PPP3CB: variants seen among roughly 807,000 people sequenced by gnomAD.
PPP3CB encodes the protein protein phosphatase 3 catalytic subunit beta.
A neutral mutation model predicts 66.4 loss-of-function variants in PPP3CB; 8 were observed. That is an observed-to-expected ratio of 0.12 (90% CI 0.07 to 0.22). The LOEUF (loss-of-function observed/expected upper bound fraction) is 0.22. PPP3CB is among the 10% of genes least tolerant of loss of function. The pLI is 1.00. For synonymous variants in PPP3CB, 208 were observed against 221.2 expected, an observed-to-expected ratio of 0.94 and a Z score of 0.53; for missense variants, 319 against 642.5, an observed-to-expected ratio of 0.50 and a Z score of 5.44.
intron 3 of PPP3CB, among the ~76,000 whole-genome samples, chr10:73,476,278 T>G (rs564127013): frequency 6.6e-6 from 1 of 152,234 alleles, no homozygotes; most frequent in Non-Finnish European, 1.5e-5. Context: ...GATGCTTATT[T>G]TGATTCTTTG....
At position 73,437,137 on chromosome 10, in the gene PPP3CB, C is replaced by A. The variant is rs1564544319; in HGVS notation, c.*1105G>T. The A allele has an allele frequency of 6.5e-6, 1 of 152,674 alleles. No individual in the cohort carries two copies. Among genetic ancestry groups the A allele is most frequent in the Non-Finnish European group, 1.5e-5 (1 of 68,054 alleles). 9.5% of individuals were successfully genotyped at this position (152,674 alleles called of 1,614,324 possible). On this transcript the variant is annotated 3_prime_UTR_variant, in exon 14 of 14. Coordinates refer to ENST00000360663, the MANE Select transcript of PPP3CB (RefSeq NM_021132.4). Reference sequence around the variant, plus strand: ...GAAAGGTTTCAACATGCAGTCTTGACTTTTATGCTTCCACTAACATCTGAA... The same window carrying A: ...GAAAGGTTTCAACATGCAGTCTTGAATTTTATGCTTCCACTAACATCTGAA...
intron 1 of PPP3CB, among the ~76,000 whole-genome samples, chr10:73,492,196 T>C (rs76653502): frequency 0.047 from 7,089 of 152,252 alleles, 508 homozygotes; most frequent in African/African-American, 0.15. Context: ...AATTTGAGGT[T>C]ACTATAACCC....
At chr10:73,457,921 A>G (rs557029776) in intron 9 of PPP3CB, among the ~76,000 whole-genome samples, 5 of 152,294 alleles carry the variant, frequency 3.3e-5, no homozygotes, top group South Asian at 4.1e-4. Context: ...GCTAAATAAT[A>G]TATGTACATG....
chr10:73,477,056 T>C (rs1483621691), intron 3 of PPP3CB: 2 of 449,394 alleles, frequency 4.5e-6, no homozygotes, highest in Non-Finnish European at 8.7e-6. Context: ...GGAGTCACAT[T>C]GCCTGGCTAT....
At chr10:73,480,438 T>A (rs898344925) in intron 1 of PPP3CB, among the ~76,000 whole-genome samples, 2 of 148,638 alleles carry the variant, frequency 1.3e-5, no homozygotes, top group Non-Finnish European at 3.0e-5. Context: ...TTTATCCCTG[T>A]AATTTTTTTT....
intron 8 of PPP3CB, among the ~76,000 whole-genome samples, chr10:73,469,923 A>C (rs773505430): frequency 2.6e-5 from 4 of 152,230 alleles, no homozygotes; most frequent in Non-Finnish European, 5.9e-5. Flanking sequence ...CTGGCCTCTT[A>C]ATATCATCTT....
At chr10:73,462,140 CTTTTTTTTTTTTT>C (rs1019088638) in intron 9 of PPP3CB, among the ~76,000 whole-genome samples, 20 of 94,220 alleles carry the variant, frequency 2.1e-4, no homozygotes, top group African/African-American at 5.1e-4. Context: ...TAAACTCCTT[CTTTTTTTTTTTTT>C]TTTTTTTTTT....
intron 1 of PPP3CB, among the ~76,000 whole-genome samples, chr10:73,482,559 A>AC (rs922017536): frequency 2.7e-5 from 4 of 150,320 alleles, no homozygotes; most frequent in Non-Finnish European, 5.9e-5. Context: ...AAAAAAAAAA[A>AC]AAAAAAAGAG....
intron 1 of PPP3CB, 168 bp downstream of exon 1, chr10:73,495,637 C>T (rs560289241): frequency 9.8e-7 from 1 of 1,025,622 alleles, no homozygotes; most frequent in Non-Finnish European, 1.3e-6. Context: ...CCACTGCCAC[C>T]GACTCAGCCC....
At chr10:73,457,838 A>C (rs1273867675) in intron 9 of PPP3CB, among the ~76,000 whole-genome samples, 1 of 152,206 alleles carries the variant, frequency 6.6e-6, no homozygotes, top group Non-Finnish European at 1.5e-5. Flanking sequence ...GAATATCTAA[A>C]AAACACAACT....
At chr10:73,453,510 G>A (rs2056377854) in intron 10 of PPP3CB, among the ~76,000 whole-genome samples, 1 of 152,068 alleles carries the variant, frequency 6.6e-6, no homozygotes, top group Non-Finnish European at 1.5e-5. Flanking sequence ...GGATCCTCCT[G>A]CCTTGGCCTC....
In PPP3CB at chr10:73,436,765, A is replaced by C. The variant is rs1000400684; in HGVS notation, c.*1477T>G. On this transcript the variant is annotated 3_prime_UTR_variant, in exon 14 of 14. Coordinates refer to ENST00000360663, the MANE Select transcript of PPP3CB (RefSeq NM_021132.4). ...ATTTTCTGATTTGCATCAAAAGGAC[A>C]AATCAGATTGCATCTTCCAAATAAA... The C allele has an allele frequency of 2.7e-4, 41 of 152,254 alleles. No individual in the cohort carries two copies. The highest frequency in any genetic ancestry group is 9.6e-4 in the African/African-American group (40 of 41,462). 9.4% of individuals were successfully genotyped at this position (152,254 alleles called of 1,614,324 possible).
chr10:73,443,958 C>T (rs1361773265), intron 12 of PPP3CB: 1 of 152,220 alleles, frequency 6.6e-6, no homozygotes, highest in Non-Finnish European at 1.5e-5. Flanking sequence ...ATGCAGCAAA[C>T]CTCAAAACAA....
chr10:73,453,853 T>C (rs1034003559), intron 10 of PPP3CB, among the ~76,000 whole-genome samples: 5 of 152,216 alleles, frequency 3.3e-5, no homozygotes, highest in African/African-American at 1.2e-4. Context: ...ACTATAAACA[T>C]GCATTAGGTA....
At chr10:73,456,111 C>T (rs2056423948) in intron 9 of PPP3CB, among the ~76,000 whole-genome samples, 1 of 152,176 alleles carries the variant, frequency 6.6e-6, no homozygotes, top group African/African-American at 2.4e-5. Context: ...GTCCTGAAGG[C>T]ACCTAGAAAT....
chr10:73,495,598 G>T, intron 1 of PPP3CB: 1 of 627,442 alleles, frequency 1.6e-6, no homozygotes, highest in Non-Finnish European at 2.3e-6. Flanking sequence ...CCTCCGCCCC[G>T]GCCTGAAAGC....
At chr10:73,477,930 A>C (rs1162543553) in intron 3 of PPP3CB, among the ~76,000 whole-genome samples, 1 of 152,144 alleles carries the variant, frequency 6.6e-6, no homozygotes, top group Non-Finnish European at 1.5e-5. Context: ...AAAAAAGAAA[A>C]AGAAAAGAGA....
rs1198050577 is a variant in PPP3CB at position 73,437,851 on chromosome 10, G to T, written c.*391C>A. On this transcript the variant is annotated 3_prime_UTR_variant, in exon 14 of 14. Coordinates refer to ENST00000360663, the MANE Select transcript of PPP3CB (RefSeq NM_021132.4). Reference sequence around the variant, plus strand: ...CCTTTAAAGACATTTCATGGAAAAAGAAAAGTCCACATTAGCTCTTAGGAT... The same window carrying T: ...CCTTTAAAGACATTTCATGGAAAAATAAAAGTCCACATTAGCTCTTAGGAT... 6.2e-6 allele frequency: 1 copy of T among 160,518 alleles called. No homozygotes were observed. The highest frequency in any genetic ancestry group is 6.4e-5 in the Admixed American group (1 of 15,516). 9.9% of individuals were successfully genotyped at this position (160,518 alleles called of 1,614,324 possible). A position where few individuals can be genotyped will look rare whatever the true frequency, so the allele number is the denominator to read the frequency against.
intron 1 of PPP3CB, among the ~76,000 whole-genome samples, chr10:73,495,322 G>C (rs565320972): frequency 2.6e-4 from 39 of 152,222 alleles, no homozygotes; most frequent in Admixed American, 3.9e-4. Flanking sequence ...GTTGTCGCCA[G>C]CTAGACGCGG....
Sources: gnomAD v4.1 joint callset for allele counts (sites outside exome capture counted in the v4.1 genomes callset) on GRCh38, gnomAD v4.1.1 for gene constraint, MANE v1.5 for transcripts, NCBI Gene and HGNC (gene_info 2026-07-23, HGNC 2026-07-21) for gene names.